The following FAM20C variants were observed in gnomAD, a reference collection of about 807,000 sequenced individuals.
FAM20C encodes extracellular serine/threonine protein kinase FAM20C.
In FAM20C, 40 loss-of-function variants were observed where a neutral mutation model predicts 51.5. The ratio of observed to expected loss-of-function variants is 0.78; its 90% CI spans 0.60 to 1.01. The LOEUF (loss-of-function observed/expected upper bound fraction) is 1.01. FAM20C is among the 50% of genes least tolerant of loss of function. The pLI is 0.00. For synonymous variants in FAM20C, 406 were observed against 380.6 expected (o/e 1.07, Z -0.78); for missense variants, 861 against 844.7 (o/e 1.02, Z -0.24).
intron 3 of FAM20C, among the ~76,000 whole-genome samples, chr7:237,575 G>A (rs1423808541): frequency 6.6e-6 from 1 of 152,084 alleles, no homozygotes; most frequent in Non-Finnish European, 1.5e-5. Flanking sequence ...GGTAGGAGTG[G>A]TGGTGATAGT....
intron 3 of FAM20C, among the ~76,000 whole-genome samples, 193 bp downstream of exon 3, chr7:209,169 C>T (rs1190163481): frequency 2.0e-5 from 3 of 152,178 alleles, no homozygotes; most frequent in Non-Finnish European, 4.4e-5. Context: ...CTCCCACGGC[C>T]TCCCCACCTC....
At chr7:230,024 G>A (rs963346805) in intron 3 of FAM20C, among the ~76,000 whole-genome samples, 5 of 152,124 alleles carry the variant, frequency 3.3e-5, no homozygotes, top group Non-Finnish European at 4.4e-5. Flanking sequence ...CCGCTTCCGC[G>A]ACCCTCTGGA....
chr7:194,519 G>A (rs142824463), intron 1 of FAM20C, among the ~76,000 whole-genome samples: 1 of 151,174 alleles, frequency 6.6e-6, no homozygotes, highest in Non-Finnish European at 1.5e-5. Flanking sequence ...ACCTGCCGAA[G>A]GTTACCCCAG....
intron 2 of FAM20C, among the ~76,000 whole-genome samples, chr7:201,896 T>A (rs965272017): frequency 6.6e-6 from 1 of 152,254 alleles, no homozygotes; most frequent in African/African-American, 2.4e-5. Context: ...CAGGGCACTC[T>A]GTTCGTGCAT....
At chr7:229,060 C>G (rs551588657) in intron 3 of FAM20C, 104 of 336,442 alleles carry the variant, frequency 3.1e-4, no homozygotes, top group Non-Finnish European at 5.4e-4. Flanking sequence ...GCCTCCCTGT[C>G]AGCCCCACGG....
At chr7:218,825 C>G (rs1159701570) in intron 3 of FAM20C, among the ~76,000 whole-genome samples, 1 of 151,760 alleles carries the variant, frequency 6.6e-6, no homozygotes, top group African/African-American at 2.4e-5. Context: ...ACAGATCACT[C>G]CGGTCCGGCC....
At chr7:215,228 T>TG (rs71016858) in intron 3 of FAM20C, among the ~76,000 whole-genome samples, 5,889 of 79,314 alleles carry the variant, frequency 0.074, 372 homozygotes, top group Non-Finnish European at 0.11. Flanking sequence ...AGGCTCCAGC[T>TG]GGGGGGGGGA....
chr7:247,177 T>A (rs1244565979), intron 4 of FAM20C, among the ~76,000 whole-genome samples: 1 of 152,282 alleles, frequency 6.6e-6, no homozygotes, highest in Admixed American at 6.5e-5. Flanking sequence ...CGGTCGCCTG[T>A]CTCCAGAGGG....
intron 3 of FAM20C, among the ~76,000 whole-genome samples, chr7:212,843 A>C (rs913905146): frequency 2.0e-5 from 3 of 152,122 alleles, no homozygotes; most frequent in Non-Finnish European, 2.9e-5. Context: ...TCACCCACTT[A>C]AAGTGTGCAG....
chr7:200,496 G>T (rs2115049511), intron 2 of FAM20C, among the ~76,000 whole-genome samples: 1 of 152,332 alleles, frequency 6.6e-6, no homozygotes, highest in South Asian at 2.1e-4. Context: ...ATGCTGCTGA[G>T]GCCTGGGGCC....
intron 2 of FAM20C, among the ~76,000 whole-genome samples, chr7:204,246 G>A (rs145238525): frequency 1.2e-3 from 181 of 152,320 alleles, no homozygotes; most frequent in East Asian, 0.012. Flanking sequence ...GTGAGAAGCC[G>A]GGATGGAGCC....
intron 3 of FAM20C, among the ~76,000 whole-genome samples, chr7:219,366 A>C (rs1787145401): frequency 3.4e-5 from 5 of 147,300 alleles, no homozygotes; most frequent in Admixed American, 3.3e-4. Flanking sequence ...CCAGCCCAGG[A>C]CAGCAACGCC....
chr7:198,695 TG>T (rs1456458391), intron 2 of FAM20C, among the ~76,000 whole-genome samples: 1 of 152,206 alleles, frequency 6.6e-6, no homozygotes, highest in Non-Finnish European at 1.5e-5. Flanking sequence ...GGGGCTTAAA[TG>T]TGCAAATACG....
chr7:230,385 G>GGGGGGA, intron 3 of FAM20C, among the ~76,000 whole-genome samples: 1 of 104,640 alleles, frequency 9.6e-6, no homozygotes, highest in African/African-American at 3.3e-5. Context: ...GGGGGGGGGG[G>GGGGGGA]AACAGATCCC....
chr7:216,630 TGAGTGTGTGTGA>T (rs1339020944), intron 3 of FAM20C, among the ~76,000 whole-genome samples: 2 of 62,526 alleles, frequency 3.2e-5, no homozygotes, highest in East Asian at 4.0e-4. Flanking sequence ...TGAGTGTGTG[TGAGTGTGTGTGA>T]GTGTGTGTGA....
rs529576985 is a variant in FAM20C at position 249,280 on chromosome 7, T to TGA, written c.1072+851_1072+852insAG. Among the ~76,000 whole-genome samples, 44 of 152,366 alleles carry TGA rather than the reference T, an allele frequency of 2.9e-4. 1 individual carries two copies. In the East Asian group the frequency reaches 7.1e-3, roughly 25 times the overall value. ...TGTGAGCAGGGCTGGCCCAGGCCCCTGGTCCCTGGTGCCCTTGAGGGGATA... is the reference window on the plus strand; with the variant it reads ...TGTGAGCAGGGCTGGCCCAGGCCCCTGAGGTCCCTGGTGCCCTTGAGGGGATA... On this transcript the variant is annotated intron_variant, in intron 5 of 9. Transcript: ENST00000313766.
chr7:256,187 A>G (rs1301278462), intron 6 of FAM20C, 158 bp downstream of exon 6: 1 of 915,134 alleles, frequency 1.1e-6, no homozygotes, highest in Admixed American at 3.0e-5. Flanking sequence ...CTTCCTGATG[A>G]GACGGTGGCA....
At chr7:196,500 G>C (rs1423739442) in intron 2 of FAM20C, among the ~76,000 whole-genome samples, 1 of 152,236 alleles carries the variant, frequency 6.6e-6, no homozygotes, top group African/African-American at 2.4e-5. Flanking sequence ...AGTGGGAGCA[G>C]CTGCTCCCCG....
chr7:257,701 A>C (rs1189891446), intron 8 of FAM20C, among the ~76,000 whole-genome samples: 1 of 151,122 alleles, frequency 6.6e-6, no homozygotes. Context: ...AGAGGCCAGG[A>C]CCCCACATAC....
Sources: gnomAD v4.1 joint callset for allele counts (sites outside exome capture counted in the v4.1 genomes callset) on GRCh38, gnomAD v4.1.1 for gene constraint, MANE v1.5 for transcripts, NCBI Gene and HGNC (gene_info 2026-07-23, HGNC 2026-07-21) for gene names.